CNTN5: variants seen among roughly 807,000 people sequenced by gnomAD.
The protein encoded by CNTN5 is contactin 5.
In CNTN5, 77 loss-of-function variants were observed where a neutral mutation model predicts 129.1. That is an observed-to-expected ratio of 0.60 (90% CI 0.50 to 0.72). CNTN5 has a LOEUF of 0.72. Ranked by LOEUF, CNTN5 falls within the 30% of genes least tolerant of loss-of-function variation. CNTN5 has a pLI of 0.00. For missense variants in CNTN5, 1,478 were observed against 1,328.8 expected, an observed-to-expected ratio of 1.11 and a Z score of -1.75; for synonymous variants, 509 against 465.6, an observed-to-expected ratio of 1.09 and a Z score of -1.20.
chr11:99,721,901 T>C (rs1943186051), intron 3 of CNTN5, among the ~76,000 whole-genome samples: 1 of 152,124 alleles, frequency 6.6e-6, no homozygotes, highest in East Asian at 1.9e-4. Flanking sequence ...ATGTCACTGA[T>C]AGTTAGATAA....
At chr11:99,127,491 C>A (rs1174920698) in intron 1 of CNTN5, among the ~76,000 whole-genome samples, 2 of 152,098 alleles carry the variant, frequency 1.3e-5, no homozygotes, top group African/African-American at 4.8e-5. Flanking sequence ...CAACAGAAAC[C>A]CCTTCTCTTG....
chr11:99,337,781 C>T (rs1866299245), intron 2 of CNTN5, among the ~76,000 whole-genome samples: 1 of 151,936 alleles, frequency 6.6e-6, no homozygotes, highest in African/African-American at 2.4e-5. Context: ...CCACTTGAGG[C>T]TATTCAAAGA....
intron 3 of CNTN5, among the ~76,000 whole-genome samples, chr11:99,600,098 C>CTACACTTAACAAAAATGTGCTG (rs1001817802): frequency 3.9e-5 from 6 of 152,012 alleles, no homozygotes; most frequent in Non-Finnish European, 7.4e-5. Flanking sequence ...AGTAAAATGG[C>CTACACTTAACAAAAATGTGCTG]TACACTTAAC....
At position 100,255,763 on chromosome 11, in the gene CNTN5, C is replaced by T. The variant is rs768626791; in HGVS notation, c.2009C>T (p.Pro670Leu). The change falls in exon 17 of 25, where the codon CCC becomes CTC. Residue 670 changes from proline to leucine, a missense_variant. Pro to Leu is a moderately conservative substitution (Grantham distance 98). Coordinates refer to ENST00000524871, the MANE Select transcript of CNTN5 (RefSeq NM_014361.4). ...ATCCATTGCCTTTGACCTATAGGAC[C>T]CCCAGGCCCACCTGGGATAGTAATT... ...SDEAELLVRG[P>L]PGPPGIVIVE... The T allele has an allele frequency of 1.2e-6, 2 of 1,613,196 alleles. No individual in the cohort carries two copies. The highest frequency in any genetic ancestry group is 1.7e-6 in the Non-Finnish European group (2 of 1,179,342).
intron 3 of CNTN5, among the ~76,000 whole-genome samples, chr11:99,602,606 G>T (rs1188128955): frequency 6.6e-6 from 1 of 152,064 alleles, no homozygotes; most frequent in East Asian, 1.9e-4. Context: ...ACATGGTTTG[G>T]CTCCCACTAC....
At chr11:99,345,928 A>T (rs1210302072) in intron 2 of CNTN5, among the ~76,000 whole-genome samples, 1 of 152,220 alleles carries the variant, frequency 6.6e-6, no homozygotes. Flanking sequence ...AAACAAATCA[A>T]AAGATACATG....
At chr11:99,386,568 T>C (rs1203924992) in intron 2 of CNTN5, among the ~76,000 whole-genome samples, 1 of 152,164 alleles carries the variant, frequency 6.6e-6, no homozygotes, top group Non-Finnish European at 1.5e-5. Context: ...TTTAGCCGGC[T>C]TCTTTAATGC....
At chr11:99,881,663 G>T (rs1321088357) in intron 6 of CNTN5, among the ~76,000 whole-genome samples, 1 of 152,202 alleles carries the variant, frequency 6.6e-6, no homozygotes, top group Non-Finnish European at 1.5e-5. Flanking sequence ...AAGGGGGGGA[G>T]CTGGCTTAGT....
At chr11:100,319,361 C>T (rs1951637892) in intron 21 of CNTN5, among the ~76,000 whole-genome samples, 1 of 151,994 alleles carries the variant, frequency 6.6e-6, no homozygotes, top group South Asian at 2.1e-4. Flanking sequence ...CCATGTTGCC[C>T]AGGCTGGTCT....
chr11:99,988,851 TTGTGTGTG>T (rs59171240), intron 8 of CNTN5, among the ~76,000 whole-genome samples: 28 of 150,128 alleles, frequency 1.9e-4, no homozygotes, highest in East Asian at 5.9e-4. Context: ...GTGTGTGTGT[TTGTGTGTG>T]TGTGTGTGTG....
At chr11:99,727,119 A>G (rs112185780) in intron 3 of CNTN5, among the ~76,000 whole-genome samples, 25,489 of 148,444 alleles carry the variant, frequency 0.17, 2,407 homozygotes, top group East Asian at 0.29. Context: ...ATCCTGGCTA[A>G]CAAGGTGAAA....
chr11:99,908,142 A>G (rs1949559760), intron 6 of CNTN5, among the ~76,000 whole-genome samples: 1 of 152,026 alleles, frequency 6.6e-6, no homozygotes, highest in Non-Finnish European at 1.5e-5. Flanking sequence ...CTTGCAGTGT[A>G]AGAGCAGAAT....
At chr11:99,166,432 A>G in intron 1 of CNTN5, among the ~76,000 whole-genome samples, 1 of 151,720 alleles carries the variant, frequency 6.6e-6, no homozygotes, top group Non-Finnish European at 1.5e-5. Context: ...AGTTATGTTA[A>G]GACTCCAAAG....
chr11:100,010,604 C>T (rs1940469387), intron 9 of CNTN5, among the ~76,000 whole-genome samples: 1 of 150,282 alleles, frequency 6.7e-6, no homozygotes, highest in South Asian at 2.1e-4. Context: ...CTACAGTGCC[C>T]CCTCCTGGCA....
At chr11:99,085,630 T>C (rs898927138) in intron 1 of CNTN5, among the ~76,000 whole-genome samples, 1 of 152,172 alleles carries the variant, frequency 6.6e-6, no homozygotes, top group East Asian at 1.9e-4. Context: ...AAAATATCAG[T>C]AGATTTAATG....
chr11:99,602,193 C>A (rs77270122), intron 3 of CNTN5, among the ~76,000 whole-genome samples: 3,192 of 151,570 alleles, frequency 0.021, 118 homozygotes, highest in African/African-American at 0.073. Flanking sequence ...CACTTTTATA[C>A]GAATATATAT....
intron 3 of CNTN5, among the ~76,000 whole-genome samples, chr11:99,757,279 G>T (rs917916754): frequency 6.6e-6 from 1 of 151,692 alleles, no homozygotes; most frequent in African/African-American, 2.4e-5. Flanking sequence ...CTCCTTATAA[G>T]GACCTATACT....
At chr11:100,191,304 G>A (rs1948484392) in intron 14 of CNTN5, 51 bp downstream of exon 14, 13 of 1,508,012 alleles carry the variant, frequency 8.6e-6, no homozygotes, top group African/African-American at 2.8e-5. Context: ...TGGTCTTATC[G>A]GAAAGAGAAT....
At chr11:100,131,774 C>T (rs906952576) in intron 13 of CNTN5, among the ~76,000 whole-genome samples, 3 of 151,998 alleles carry the variant, frequency 2.0e-5, no homozygotes, top group Non-Finnish European at 4.4e-5. Context: ...ATCTAAAAAC[C>T]TCGAATTTAC....
Sources: gnomAD v4.1 joint callset for allele counts (sites outside exome capture counted in the v4.1 genomes callset) on GRCh38, gnomAD v4.1.1 for gene constraint, MANE v1.5 for transcripts, NCBI Gene and HGNC (gene_info 2026-07-23, HGNC 2026-07-21) for gene names.